PHIP: variants seen among roughly 807,000 people sequenced by gnomAD.
PHIP encodes PH-interacting protein.
Under a neutral mutation model 236.8 loss-of-function variants are expected in PHIP, and 54 were observed. The observed-to-expected ratio is 0.23, with a 90% CI of 0.18 to 0.29. The LOEUF (loss-of-function observed/expected upper bound fraction) is 0.29, where lower values mean the gene tolerates loss of function less well. Ranked by LOEUF, PHIP falls within the 10% of genes least tolerant of loss-of-function variation. The pLI, the probability that PHIP is intolerant of heterozygous loss-of-function variation, is 1.00. For synonymous variants in PHIP, 756 were observed against 718.9 expected, an observed-to-expected ratio of 1.05 and a Z score of -0.83; for missense variants, 1,370 against 2,190.8, an observed-to-expected ratio of 0.63 and a Z score of 7.48.
In PHIP at chr6:78,940,841, C is replaced by T. The variant is rs775492637; in HGVS notation, c.5318G>A (p.Arg1773Gln). ...EPHMRTRNQG[R>Q]RTAFYNEDDS... ...ATCCTCATTATAGAAAGCTGTCCTT[C>T]GACCTTGATTTCTAGTTCTCATGTG... Residue 1773 changes from arginine to glutamine, a missense_variant, in exon 40 of 40, where the codon CGA becomes CAA. By Grantham distance (43) the Arg-to-Gln change is conservative. This residue lies in a region of PHIP where 30 missense variants were observed against 68.2 expected (regional missense o/e 0.44). Transcript: ENST00000275034. The T allele has an allele frequency of 1.9e-5, 30 of 1,613,810 alleles. No individual in the cohort carries two copies. In the Admixed American group the frequency reaches 3.7e-4, roughly 20 times the overall value.
At chr6:79,028,785 A>G (rs1330119430) in intron 7 of PHIP, among the ~76,000 whole-genome samples, 1 of 152,200 alleles carries the variant, frequency 6.6e-6, no homozygotes, top group African/African-American at 2.4e-5. Context: ...ATGCTTCACA[A>G]TACTGATACA....
chr6:78,977,782 C>T (rs957997532), intron 24 of PHIP, among the ~76,000 whole-genome samples: 2 of 152,144 alleles, frequency 1.3e-5, no homozygotes, highest in Non-Finnish European at 2.9e-5. Context: ...CTCTTCAAGT[C>T]GTATGAGGCA....
At chr6:78,954,455 A>C (rs999641140) in intron 35 of PHIP, among the ~76,000 whole-genome samples, 3 of 152,052 alleles carry the variant, frequency 2.0e-5, no homozygotes, top group Non-Finnish European at 4.4e-5. Flanking sequence ...TCCTGTAAGG[A>C]CGTAGGCATT....
intron 9 of PHIP, among the ~76,000 whole-genome samples, chr6:79,023,519 C>A (rs747007439): frequency 3.3e-5 from 5 of 151,398 alleles, no homozygotes; most frequent in Non-Finnish European, 5.9e-5. Flanking sequence ...CTTTGAAGTC[C>A]AAAAATAAAA....
In PHIP at chr6:78,954,970, T is replaced by C; in HGVS notation, c.3904-7A>G. ...TTCTTCTAGGCTGATGGTCCTGTGATAAAAGTGTTCAAATATATTAATAAA... is the reference window on the plus strand; with the variant it reads ...TTCTTCTAGGCTGATGGTCCTGTGACAAAAGTGTTCAAATATATTAATAAA... On this transcript the variant is annotated splice_region_variant and splice_polypyrimidine_tract_variant and intron_variant, in intron 34 of 39. Transcript: ENST00000275034. The C allele has an allele frequency of 6.5e-7, 1 of 1,536,608 alleles. No homozygotes were observed. Among genetic ancestry groups the C allele is most frequent in the Non-Finnish European group, 8.7e-7 (1 of 1,147,820 alleles).
intron 6 of PHIP, among the ~76,000 whole-genome samples, chr6:79,059,311 T>C (rs1773236069): frequency 6.6e-6 from 1 of 151,782 alleles, no homozygotes; most frequent in Non-Finnish European, 1.5e-5. Flanking sequence ...ATTTCCAGAA[T>C]CTAAGCAAGA....
At chr6:79,039,957 G>C (rs946207173) in intron 7 of PHIP, among the ~76,000 whole-genome samples, 1 of 151,864 alleles carries the variant, frequency 6.6e-6, no homozygotes, top group Admixed American at 6.6e-5. Flanking sequence ...ACAAAATAAT[G>C]ATACATTTTC....
intron 9 of PHIP, among the ~76,000 whole-genome samples, chr6:79,023,718 G>T (rs761428136): frequency 6.6e-6 from 1 of 151,830 alleles, no homozygotes; most frequent in Non-Finnish European, 1.5e-5. Flanking sequence ...CTACATAAAG[G>T]TTCTGAAAAA....
intron 20 of PHIP, among the ~76,000 whole-genome samples, chr6:78,990,070 A>T (rs1373520100): frequency 6.6e-6 from 1 of 152,108 alleles, no homozygotes; most frequent in African/African-American, 2.4e-5. Context: ...TAGGAGTTTT[A>T]AAAAACTCAA....
intron 4 of PHIP, among the ~76,000 whole-genome samples, chr6:79,077,061 C>T (rs952063425): frequency 6.6e-6 from 1 of 152,204 alleles, no homozygotes; most frequent in South Asian, 2.1e-4. Flanking sequence ...GCGTGCAGAG[C>T]GAGCAAGCGA....
chr6:79,017,935 T>C (rs1003029914), intron 10 of PHIP, among the ~76,000 whole-genome samples: 3 of 151,904 alleles, frequency 2.0e-5, no homozygotes, highest in Non-Finnish European at 4.4e-5. Context: ...TCATTTCCCA[T>C]GTGTCAAAAT....
At chr6:78,975,472 G>A (rs1404335194) in intron 24 of PHIP, among the ~76,000 whole-genome samples, 1 of 152,218 alleles carries the variant, frequency 6.6e-6, no homozygotes, top group Admixed American at 6.5e-5. Flanking sequence ...ACAAGACAGG[G>A]ATGCTCTCTC....
intron 4 of PHIP, among the ~76,000 whole-genome samples, chr6:79,072,171 G>A (rs1334373736): frequency 1.3e-5 from 2 of 152,138 alleles, no homozygotes; most frequent in East Asian, 1.9e-4. Flanking sequence ...ACAAATAACT[G>A]TATAGAAGGA....
At chr6:78,968,024 G>C (rs371153220) in intron 27 of PHIP, among the ~76,000 whole-genome samples, 4 of 152,154 alleles carry the variant, frequency 2.6e-5, no homozygotes, top group African/African-American at 9.6e-5. Context: ...TGTAGTCCCA[G>C]CTAATCGGGA....
chr6:79,042,009 G>C (rs1329095605), intron 7 of PHIP, among the ~76,000 whole-genome samples: 1 of 151,916 alleles, frequency 6.6e-6, no homozygotes, highest in East Asian at 1.9e-4. Context: ...TCTCTTCAAA[G>C]ACAGGAAAAT....
chr6:78,963,807 A>G (rs1351397277), intron 29 of PHIP, among the ~76,000 whole-genome samples: 2 of 152,182 alleles, frequency 1.3e-5, no homozygotes, highest in Non-Finnish European at 2.9e-5. Flanking sequence ...GTAACCCAAA[A>G]TCTAGAAACG....
At chr6:78,960,651 A>G (rs1766712897) in intron 31 of PHIP, among the ~76,000 whole-genome samples, 1 of 152,068 alleles carries the variant, frequency 6.6e-6, no homozygotes, top group South Asian at 2.1e-4. Flanking sequence ...AGTCTAATAT[A>G]TTAGTTTTCT....
intron 35 of PHIP, 60 bp downstream of exon 35, chr6:78,954,754 G>A: frequency 8.8e-6 from 9 of 1,020,064 alleles, no homozygotes; most frequent in African/African-American, 1.7e-5. Flanking sequence ...ATAGCCAACT[G>A]TCATGTAAAA....
intron 15 of PHIP, among the ~76,000 whole-genome samples, chr6:79,010,549 A>G (rs1001629589): frequency 1.3e-5 from 2 of 151,984 alleles, no homozygotes; most frequent in African/African-American, 4.8e-5. Context: ...CTTTCTATTA[A>G]GAGACATACT....
Sources: gnomAD v4.1 joint callset for allele counts (sites outside exome capture counted in the v4.1 genomes callset) on GRCh38, gnomAD v4.1.1 for gene constraint, gnomAD v4.1.1 regional missense constraint, MANE v1.5 for transcripts, NCBI Gene and HGNC (gene_info 2026-07-23, HGNC 2026-07-21) for gene names.